Variants in SMARCA2 observed in about 807,000 individuals in gnomAD.
SMARCA2 encodes the protein SWI/SNF-related matrix-associated actin-dependent regulator of chromatin subfamily A member 2.
In SMARCA2, 61 loss-of-function variants were observed where a neutral mutation model predicts 199.8. The observed-to-expected ratio is 0.31, with a 90% confidence interval of 0.25 to 0.38. SMARCA2 has a LOEUF of 0.38. Among genes scored for constraint, SMARCA2 ranks in the 10% least tolerant of loss-of-function variants. The pLI, the probability that SMARCA2 is intolerant of heterozygous loss-of-function variation, is 1.00. For synonymous variants in SMARCA2, 935 were observed against 732.0 expected (o/e 1.28, Z -4.48); for missense variants, 1,344 against 2,012.2 (o/e 0.67, Z 6.35).
intron 5 of SMARCA2, among the ~76,000 whole-genome samples, chr9:2,053,160 G>A (rs960327661): frequency 6.6e-6 from 1 of 152,052 alleles, no homozygotes; most frequent in African/African-American, 2.4e-5. Context: ...AGTGTGTATT[G>A]TTGCCATCTT....
intron 5 of SMARCA2, among the ~76,000 whole-genome samples, chr9:2,053,109 T>A (rs79753691): frequency 0.045 from 6,855 of 152,198 alleles, 486 homozygotes; most frequent in African/African-American, 0.15. Context: ...AAGTTTTTCA[T>A]CCCTTCCTGC....
chr9:2,060,118 CAAAAAAAAAA>C lies in SMARCA2; in HGVS notation c.1522-675_1522-666del, dbSNP rs372329238. ...CCATTACTCAGTGCAGATCTGTGGC[CAAAAAAAAAA>C]AAAAAAAAAAAAAAAAAAAAAATCC... On this transcript the variant is annotated intron_variant, in intron 8 of 33. Transcript: ENST00000349721. Among the ~76,000 whole-genome samples, 112 of 62,420 alleles carry C rather than the reference CAAAAAAAAAA, an allele frequency of 1.8e-3. 1 individual carries two copies. Among genetic ancestry groups the C allele is most frequent in the African/African-American group, 4.7e-3 (105 of 22,554 alleles). 40.9% of individuals were successfully genotyped at this position (62,420 alleles called of 152,430 possible). A position where few individuals can be genotyped will look rare whatever the true frequency, so the allele number is the denominator to read the frequency against.
intron 27 of SMARCA2, among the ~76,000 whole-genome samples, chr9:2,130,827 C>T (rs1419016825): frequency 6.6e-6 from 1 of 152,112 alleles, no homozygotes; most frequent in East Asian, 1.9e-4. Context: ...GCAGGCATTC[C>T]ATCTACCTAA....
chr9:2,115,828 C>T lies in SMARCA2; in HGVS notation c.3463C>T (p.Gln1155Ter), dbSNP rs1434953057. 1 of 1,613,580 alleles carries T rather than the reference C, an allele frequency of 6.2e-7. No individual in the cohort carries two copies. The highest frequency in any genetic ancestry group is 8.5e-7 in the Non-Finnish European group (1 of 1,179,692). The change falls in exon 25 of 34, where the codon CAG (glutamine) becomes TAG (stop). Residue 1155 changes from glutamine (Q) to a stop codon, truncating the protein, a stop_gained. Transcript: ENST00000349721. LOFTEE classifies it high-confidence loss of function. The surrounding 1 kb of genome is among the most constrained non-coding windows in gnomAD (Gnocchi z 6.0). ...DSDWNPHQDL[Q>*]AQDRAHRIGQ... ...ATATTGACCCCCCAAACAGGATCTG[C>T]AGGCCCAAGACCGAGCTCACCGCAT...
At chr9:2,150,161 A>G (rs1287051702) in intron 27 of SMARCA2, among the ~76,000 whole-genome samples, 2 of 151,588 alleles carry the variant, frequency 1.3e-5, no homozygotes, top group Non-Finnish European at 3.0e-5. Context: ...CACACAGTAT[A>G]CTTTTTGCAT....
intron 27 of SMARCA2, among the ~76,000 whole-genome samples, chr9:2,141,333 G>T (rs1586747187): frequency 1.3e-5 from 2 of 152,180 alleles, no homozygotes; most frequent in East Asian, 3.8e-4. Context: ...AGCCTCACAG[G>T]TAGGGAGTAT....
intron 28 of SMARCA2, among the ~76,000 whole-genome samples, chr9:2,164,294 C>G (rs997070349): frequency 1.3e-5 from 2 of 152,124 alleles, no homozygotes; most frequent in Admixed American, 1.3e-4. Context: ...GATTATATGC[C>G]TTAAACCTCA....
At chr9:2,096,463 A>T in intron 19 of SMARCA2, 194 bp from the exon 20 acceptor site, 1 of 486,236 alleles carries the variant, frequency 2.1e-6, no homozygotes, top group Admixed American at 3.5e-5. Context: ...AGGCCCCCCC[A>T]TCATAATGGT....
chr9:2,043,527 C>T (rs553286835), intron 4 of SMARCA2: 1 of 152,170 alleles, frequency 6.6e-6, no homozygotes, highest in South Asian at 2.1e-4. Context: ...AGGGAGAGAC[C>T]TTATGGTAGA....
chr9:2,189,558 C>CTTCATTCATCTAT (rs1471118588), intron 32 of SMARCA2, among the ~76,000 whole-genome samples: 1 of 152,046 alleles, frequency 6.6e-6, no homozygotes, highest in African/African-American at 2.4e-5. Flanking sequence ...TTATGACTGG[C>CTTCATTCATCTAT]TTCTTTCATC....
rs58856080 is a variant in SMARCA2, at chr9:2,115,743, T to C, written c.3457-79T>C. 22,510 of 1,107,374 alleles carry C rather than the reference T, an allele frequency of 0.02. 1,628 individuals carry two copies. The African/African-American group carries it at 0.21, about 10-fold the overall frequency. 68.6% of individuals were successfully genotyped at this position (1,107,374 alleles called of 1,614,324 possible). A position where few individuals can be genotyped will look rare whatever the true frequency, so the allele number is the denominator to read the frequency against. Reference sequence around the variant, plus strand: ...GGTGAAATACAGAACCCTTCCATATTTCCCTCTGGGGTGGGGTCCGGTTTT... The same window carrying C: ...GGTGAAATACAGAACCCTTCCATATCTCCCTCTGGGGTGGGGTCCGGTTTT... On this transcript the variant is annotated intron_variant, in intron 24 of 33. Transcript: ENST00000349721. The surrounding 1 kb of genome is among the most constrained non-coding windows in gnomAD (Gnocchi z 6.0).
intron 5 of SMARCA2, chr9:2,048,089 T>G (rs1383788945): frequency 2.0e-5 from 3 of 152,158 alleles, no homozygotes; most frequent in African/African-American, 7.2e-5. Flanking sequence ...CTGTCACAAC[T>G]CACCTCTACC....
intron 27 of SMARCA2, among the ~76,000 whole-genome samples, chr9:2,148,395 C>G (rs1824874635): frequency 6.6e-6 from 1 of 151,514 alleles, no homozygotes; most frequent in Non-Finnish European, 1.5e-5. Context: ...TAATTTCCTT[C>G]AGATTTATTG....
intron 9 of SMARCA2, among the ~76,000 whole-genome samples, chr9:2,066,664 G>C (rs1820849745): frequency 6.6e-6 from 1 of 152,266 alleles, no homozygotes; most frequent in Non-Finnish European, 1.5e-5. Context: ...CCAGTACAAA[G>C]TTTCTTGTTC....
In SMARCA2 at chr9:2,186,155, C is replaced by A. The variant is rs755741712; in HGVS notation, c.4521C>A (p.Ala1507=). ...SVFKSARQKI[A]KEEESEDESN... ...TTAAGAGTGCCCGGCAGAAAATTGC[C>A]AAAGAGGAAGAGAGTGAGGATGAAA... Residue 1507 remains alanine, a synonymous_variant, in exon 32 of 34, where the codon GCC becomes GCA. Transcript: ENST00000349721. The A allele has an allele frequency of 2.5e-6, 4 of 1,613,814 alleles. No individual in the cohort carries two copies. Among genetic ancestry groups the A allele is most frequent in the Non-Finnish European group, 2.5e-6 (3 of 1,179,856 alleles).
intron 18 of SMARCA2, 128 bp downstream of exon 18, chr9:2,087,199 C>T (rs1320899705): frequency 8.8e-7 from 1 of 1,140,698 alleles, no homozygotes; most frequent in Non-Finnish European, 1.3e-6. Context: ...TTTATGAAAC[C>T]CATCGGTGGG....
intron 9 of SMARCA2, among the ~76,000 whole-genome samples, chr9:2,069,765 G>A (rs7853761): frequency 0.44 from 67,284 of 151,736 alleles, 17,803 homozygotes; most frequent in African/African-American, 0.75. Context: ...TTTTTTGAGG[G>A]TGCAATTTGA....
chr9:2,172,422 T>G, intron 29 of SMARCA2, among the ~76,000 whole-genome samples: 9 of 127,390 alleles, frequency 7.1e-5, no homozygotes, highest in African/African-American at 9.0e-5. Context: ...AACAGACGGG[T>G]GAAGGGAGGA....
At position 2,068,179 on chromosome 9, in the gene SMARCA2, CT is replaced by C. The variant is rs749688526; in HGVS notation, c.1693-2233del. 3.3e-5 allele frequency among the ~76,000 whole-genome samples: 5 copies of C among 152,094 alleles called. No homozygotes were observed. The East Asian group carries it at 9.6e-4, about 29-fold the overall frequency. On this transcript the variant is annotated intron_variant, in intron 9 of 33. Coordinates refer to ENST00000349721, the MANE Select transcript of SMARCA2 (RefSeq NM_003070.5). ...CAGTGACTGGTAGCAGGGATGGTTT[CT>C]TTTTTGAATTCAAGGGTTCTGTTAT...
Sources: allele counts gnomAD v4.1 joint callset (sites outside exome capture counted in the v4.1 genomes callset), GRCh38; gene constraint gnomAD v4.1.1; non-coding constraint Gnocchi (gnomAD v3.1); transcripts MANE v1.5; gene names NCBI Gene and HGNC (gene_info 2026-07-23, HGNC 2026-07-21).